ZDHHC2: variants seen among roughly 807,000 people sequenced by gnomAD.
ZDHHC2 encodes zDHHC palmitoyltransferase 2, also known as palmitoyltransferase ZDHHC2.
ZDHHC2 carries 51 observed loss-of-function variants against 55.6 expected under a neutral mutation model. The observed-to-expected ratio is 0.92, with a 90% CI of 0.73 to 1.16. The LOEUF (loss-of-function observed/expected upper bound fraction) is 1.16. ZDHHC2 is among the 50% of genes most tolerant of loss of function. The probability of loss-of-function intolerance (pLI) is 0.00; values close to 1 mark genes in which losing one functional copy is unlikely to be tolerated. For synonymous variants in ZDHHC2, 199 were observed against 152.9 expected, an observed-to-expected ratio of 1.30 and a Z score of -2.22; for missense variants, 491 against 442.4, an observed-to-expected ratio of 1.11 and a Z score of -0.99.
Position 17,156,672 on chromosome 8 carries a change from G to T in ZDHHC2, c.-52G>T. The T allele has an allele frequency of 8.2e-7, 1 of 1,226,616 alleles. No homozygotes were observed. Among genetic ancestry groups the T allele is most frequent in the South Asian group, 2.8e-5 (1 of 35,836 alleles). 76.0% of individuals were successfully genotyped at this position (1,226,616 alleles called of 1,614,324 possible). ...TGCCGGGCCCGCCCAGCCCGCCCCG[G>T]AGCCAGGCCCGCGGGCGGCGGCGGA... On this transcript the variant is annotated 5_prime_UTR_variant, in exon 1 of 13. Transcript: ENST00000262096.
At position 17,156,569 on chromosome 8, in the gene ZDHHC2, G is replaced by A. The variant is rs1047423887; in HGVS notation, c.-155G>A. ...CCGCCGCGCCGGCTCGGGGCTGCGG[G>A]ATGGGGAGTTAGCGCCACGGCGGCG... On this transcript the variant is annotated 5_prime_UTR_variant, in exon 1 of 13. Transcript: ENST00000262096. 4.6e-5 allele frequency: 19 copies of A among 409,800 alleles called. No individual in the cohort carries two copies. The highest frequency in any genetic ancestry group is 2.5e-4 in the Admixed American group (4 of 15,960). The allele number at this position is 409,800 out of a possible 1,614,324, so 25.4% of individuals were successfully genotyped here.
intron 1 of ZDHHC2, among the ~76,000 whole-genome samples, chr8:17,175,327 C>G (rs1805076450): frequency 6.6e-6 from 1 of 152,092 alleles, no homozygotes; most frequent in Admixed American, 6.5e-5. Context: ...TTTTCTCATT[C>G]TACTAATTCA....
At chr8:17,175,070 G>T (rs1325576572) in intron 1 of ZDHHC2, among the ~76,000 whole-genome samples, 1 of 152,034 alleles carries the variant, frequency 6.6e-6, no homozygotes, top group Non-Finnish European at 1.5e-5. Context: ...TAATTTCTGG[G>T]CCATTTTCCA....
Position 17,203,800 on chromosome 8 carries a change from C to CT in ZDHHC2, c.477-1847dup, listed in dbSNP as rs1341307198. Among the ~76,000 whole-genome samples, 3 of 107,746 alleles carry CT rather than the reference C, an allele frequency of 2.8e-5. No individual in the cohort carries two copies. In the East Asian group the frequency reaches 7.5e-4, roughly 27 times the overall value. The allele number at this position is 107,746 out of a possible 152,430, so 70.7% of individuals were successfully genotyped here. ...AATGTGCACGCACAATTTGTGGCTTCTTTTTTTTCTTTTTTTTTTTTTTTT... is the reference window on the plus strand; with the variant it reads ...AATGTGCACGCACAATTTGTGGCTTCTTTTTTTTTCTTTTTTTTTTTTTTTT... On this transcript the variant is annotated intron_variant, in intron 6 of 12. Transcript: ENST00000262096.
chr8:17,180,257 G>T (rs549215143), intron 1 of ZDHHC2, among the ~76,000 whole-genome samples: 3 of 152,176 alleles, frequency 2.0e-5, no homozygotes, highest in Admixed American at 2.0e-4. Flanking sequence ...GGACTAACTG[G>T]CACATCAAGA....
At chr8:17,163,575 C>T (rs943809859) in intron 1 of ZDHHC2, among the ~76,000 whole-genome samples, 2 of 152,264 alleles carry the variant, frequency 1.3e-5, no homozygotes, top group African/African-American at 4.8e-5. Context: ...GCTATACTTA[C>T]ATTTCATAAT....
intron 2 of ZDHHC2, 121 bp from the exon 3 acceptor site, chr8:17,186,210 C>G (rs1017278426): frequency 4.7e-6 from 3 of 632,836 alleles, no homozygotes; most frequent in African/African-American, 3.9e-5. Flanking sequence ...AGTAAAGGAA[C>G]TTTCATAATG....
chr8:17,176,991 TTAAA>T (rs1378959365), intron 1 of ZDHHC2, among the ~76,000 whole-genome samples: 2 of 152,164 alleles, frequency 1.3e-5, no homozygotes, highest in African/African-American at 4.8e-5. Context: ...TTGCATGTCA[TTAAA>T]TAAGGTCTGG....
intron 9 of ZDHHC2, 56 bp downstream of exon 9, chr8:17,210,114 GAT>G: frequency 1.3e-6 from 2 of 1,528,824 alleles, no homozygotes; most frequent in Non-Finnish European, 1.8e-6. Flanking sequence ...TACAGCAAAA[GAT>G]AGTTTCAGGA....
chr8:17,190,743 A>G (rs1255985571), intron 3 of ZDHHC2, among the ~76,000 whole-genome samples: 8 of 152,026 alleles, frequency 5.3e-5, no homozygotes, highest in Admixed American at 5.2e-4. Context: ...ATAGATATAT[A>G]TATTTATGGG....
Position 17,222,148 on chromosome 8 carries a change from A to G in ZDHHC2, c.*1927A>G, listed in dbSNP as rs1184411489. The G allele has an allele frequency of 6.6e-6, 1 of 151,762 alleles. No individual in the cohort carries two copies. Among genetic ancestry groups the G allele is most frequent in the African/African-American group, 2.4e-5 (1 of 41,390 alleles). 9.4% of individuals were successfully genotyped at this position (151,762 alleles called of 1,614,324 possible). A position where few individuals can be genotyped will look rare whatever the true frequency, so the allele number is the denominator to read the frequency against. ...ATGCCCCTTTCCCACAGTCTTTTAT[A>G]TAATTAAATATATGTCAATACACAT... On this transcript the variant is annotated 3_prime_UTR_variant, in exon 13 of 13. Coordinates refer to ENST00000262096, the MANE Select transcript of ZDHHC2 (RefSeq NM_016353.5).
At chr8:17,157,135 C>G (rs1471103712) in intron 1 of ZDHHC2, among the ~76,000 whole-genome samples, 5 of 152,150 alleles carry the variant, frequency 3.3e-5, no homozygotes, top group African/African-American at 1.2e-4. Flanking sequence ...CCGCCTCGGC[C>G]ACACCCCCTA....
At chr8:17,168,385 G>A (rs1170298130) in intron 1 of ZDHHC2, among the ~76,000 whole-genome samples, 4 of 152,190 alleles carry the variant, frequency 2.6e-5, no homozygotes, top group African/African-American at 9.7e-5. Context: ...AACCATGGAA[G>A]TGACCAGAGG....
chr8:17,197,208 T>C (rs1364877700), intron 4 of ZDHHC2, among the ~76,000 whole-genome samples: 12 of 152,184 alleles, frequency 7.9e-5, no homozygotes, highest in Admixed American at 2.0e-4. Context: ...CCTAGTTCAG[T>C]TTAAAACTTT....
rs567759086 is a variant in ZDHHC2, at chr8:17,195,236, T to G, written c.253-268T>G. On this transcript the variant is annotated intron_variant, in intron 3 of 12. Transcript: ENST00000262096. ...ACTCTACGGTTTATAAGCATTTTTA[T>G]GTACTCTGTTCCTTTTGAGTTACAC... Among the ~76,000 whole-genome samples, 5 of 152,352 alleles carry G rather than the reference T, an allele frequency of 3.3e-5. 1 individual carries two copies. In the South Asian group the frequency reaches 1.0e-3, roughly 32 times the overall value.
At chr8:17,164,970 G>A (rs1169226950) in intron 1 of ZDHHC2, among the ~76,000 whole-genome samples, 2 of 152,296 alleles carry the variant, frequency 1.3e-5, no homozygotes, top group East Asian at 3.9e-4. Context: ...GATCCCATGA[G>A]TCCTCTCAAA....
chr8:17,158,686 TAGTA>T (rs1804185430), intron 1 of ZDHHC2, among the ~76,000 whole-genome samples: 1 of 152,274 alleles, frequency 6.6e-6, no homozygotes, highest in African/African-American at 2.4e-5. Flanking sequence ...ATCAGTATTT[TAGTA>T]AGTGACGATT....
At chr8:17,197,025 G>A (rs530914386) in intron 4 of ZDHHC2, among the ~76,000 whole-genome samples, 1 of 152,118 alleles carries the variant, frequency 6.6e-6, no homozygotes, top group South Asian at 2.1e-4. Flanking sequence ...TTAATATTGT[G>A]ACCTTAGTTT....
At chr8:17,159,402 A>G (rs923196738) in intron 1 of ZDHHC2, among the ~76,000 whole-genome samples, 3 of 152,156 alleles carry the variant, frequency 2.0e-5, no homozygotes, top group African/African-American at 7.2e-5. Context: ...AAACAAGGTG[A>G]TTTACCCTGG....
Sources: gnomAD v4.1 joint callset for allele counts (sites outside exome capture counted in the v4.1 genomes callset) on GRCh38, gnomAD v4.1.1 for gene constraint, MANE v1.5 for transcripts, NCBI Gene and HGNC (gene_info 2026-07-23, HGNC 2026-07-21) for gene names.